MECOM: variants seen among roughly 807,000 people sequenced by gnomAD.
MECOM encodes MDS1 and EVI1 complex locus.
Under a neutral mutation model 116.3 loss-of-function variants are expected in MECOM, and 13 were observed. That is an observed-to-expected ratio of 0.11 (90% CI 0.07 to 0.18). The LOEUF (loss-of-function observed/expected upper bound fraction) is 0.18. Ranked by LOEUF, MECOM falls within the 10% of genes least tolerant of loss-of-function variation. The probability of loss-of-function intolerance (pLI) is 1.00; values close to 1 mark genes in which losing one functional copy is unlikely to be tolerated. For synonymous variants in MECOM, 528 were observed against 535.2 expected (o/e 0.99, Z 0.19); for missense variants, 1,299 against 1,509.0 (o/e 0.86, Z 2.31).
chr3:169,499,817 A>G (rs1182816064), intron 1 of MECOM, among the ~76,000 whole-genome samples: 1 of 152,124 alleles, frequency 6.6e-6, no homozygotes, highest in Non-Finnish European at 1.5e-5. Flanking sequence ...GGAGGAGGTT[A>G]AGACTACTAA....
intron 1 of MECOM, among the ~76,000 whole-genome samples, chr3:169,651,834 A>T (rs1357191557): frequency 6.6e-6 from 1 of 152,208 alleles, no homozygotes; most frequent in African/African-American, 2.4e-5. Flanking sequence ...ATCTATATGT[A>T]TGTATGTGCT....
intron 1 of MECOM, among the ~76,000 whole-genome samples, chr3:169,657,161 G>A (rs1412511345): frequency 6.6e-6 from 1 of 152,224 alleles, no homozygotes; most frequent in Non-Finnish European, 1.5e-5. Context: ...GTCCCCTGTA[G>A]ACCCAGTAGA....
intron 1 of MECOM, among the ~76,000 whole-genome samples, chr3:169,485,923 A>ATTATATAT (rs1272580479): frequency 1.2e-5 from 1 of 83,762 alleles, no homozygotes; most frequent in Non-Finnish European, 2.2e-5. Flanking sequence ...ATGTATATAT[A>ATTATATAT]GTATATATAG....
At chr3:169,307,267 T>G (rs1717894332) in intron 2 of MECOM, among the ~76,000 whole-genome samples, 1 of 152,186 alleles carries the variant, frequency 6.6e-6, no homozygotes, top group Non-Finnish European at 1.5e-5. Flanking sequence ...ATCACCTCCC[T>G]AGAATTGCCC....
intron 2 of MECOM, among the ~76,000 whole-genome samples, chr3:169,207,523 A>T (rs990493610): frequency 6.6e-6 from 1 of 152,224 alleles, no homozygotes; most frequent in African/African-American, 2.4e-5. Context: ...ATTTGCTTTC[A>T]GAATCCTGGT....
intron 1 of MECOM, among the ~76,000 whole-genome samples, chr3:169,536,470 T>C (rs1322143969): frequency 6.6e-6 from 1 of 150,978 alleles, no homozygotes; most frequent in Admixed American, 6.6e-5. Flanking sequence ...CCCTGAATAG[T>C]ACAAGCAGAC....
intron 2 of MECOM, among the ~76,000 whole-genome samples, chr3:169,159,689 T>G (rs970480974): frequency 6.6e-6 from 1 of 152,198 alleles, no homozygotes; most frequent in African/African-American, 2.4e-5. Flanking sequence ...AGTACAGTAC[T>G]TGGAGAGATA....
intron 2 of MECOM, among the ~76,000 whole-genome samples, chr3:169,267,877 A>G (rs187840206): frequency 4.6e-5 from 7 of 152,110 alleles, no homozygotes; most frequent in Non-Finnish European, 7.4e-5. Context: ...GGAAGAGAAG[A>G]CTCCCATAAT....
chr3:169,292,831 C>A (rs1230928715), intron 2 of MECOM, among the ~76,000 whole-genome samples: 1 of 152,124 alleles, frequency 6.6e-6, no homozygotes, highest in East Asian at 1.9e-4. Context: ...GGAAAAAGAT[C>A]TGGATCAAAT....
At chr3:169,443,046 C>CA (rs148053213) in intron 1 of MECOM, among the ~76,000 whole-genome samples, 20 of 148,784 alleles carry the variant, frequency 1.3e-4, no homozygotes, top group Admixed American at 4.0e-4. Context: ...ACCACAGCAT[C>CA]AAAAAAAAAA....
At chr3:169,284,156 C>A (rs1370303970) in intron 2 of MECOM, among the ~76,000 whole-genome samples, 1 of 152,170 alleles carries the variant, frequency 6.6e-6, no homozygotes, top group Admixed American at 6.5e-5. Flanking sequence ...CCAAGGAGAG[C>A]CTTCCACACT....
chr3:169,121,760 C>T (rs1266533155), intron 6 of MECOM, among the ~76,000 whole-genome samples: 1 of 151,478 alleles, frequency 6.6e-6, no homozygotes, highest in African/African-American at 2.4e-5. Flanking sequence ...GCAAAACATC[C>T]CTAAAGAAAT....
At chr3:169,357,008 C>A (rs952890924) in intron 2 of MECOM, among the ~76,000 whole-genome samples, 1 of 151,820 alleles carries the variant, frequency 6.6e-6, no homozygotes, top group Non-Finnish European at 1.5e-5. Context: ...TCAAAATCTG[C>A]CAAATTTGAT....
Position 169,090,130 on chromosome 3 carries a change from C to T in MECOM, c.3271G>A (p.Asp1091Asn). Residue 1091 changes from aspartate (D) to asparagine (N), a missense_variant, in exon 15 of 17, where the codon GAT becomes AAT. Asp to Asn is a conservative substitution (Grantham distance 23). Transcript: ENST00000651503. ...VEDEVLLDEE[D>N]EDNDITGKTG... ...TTTCCAGTAATATCATTGTCTTCATCCTCCTCATCTAACAACACCTCATCT... is the reference window on the plus strand; with the variant it reads ...TTTCCAGTAATATCATTGTCTTCATTCTCCTCATCTAACAACACCTCATCT... 1 of 1,613,456 alleles carries T rather than the reference C, an allele frequency of 6.2e-7. No homozygotes were observed. The highest frequency in any genetic ancestry group is 8.5e-7 in the Non-Finnish European group (1 of 1,179,626).
chr3:169,260,355 C>T (rs1757391303), intron 2 of MECOM, among the ~76,000 whole-genome samples: 1 of 152,124 alleles, frequency 6.6e-6, no homozygotes, highest in Non-Finnish European at 1.5e-5. Flanking sequence ...ATTAAAAAGA[C>T]ATCAGTCTGC....
chr3:169,370,988 A>G (rs985860294), intron 2 of MECOM, among the ~76,000 whole-genome samples: 2 of 152,022 alleles, frequency 1.3e-5, no homozygotes, highest in Non-Finnish European at 2.9e-5. Context: ...CAACTCCTTT[A>G]TGATCCAGCA....
intron 1 of MECOM, among the ~76,000 whole-genome samples, chr3:169,394,747 C>T (rs1734758895): frequency 6.6e-6 from 1 of 152,088 alleles, no homozygotes; most frequent in Admixed American, 6.6e-5. Context: ...TCTAAATAAA[C>T]ATATTTATTT....
In MECOM at chr3:169,156,195, G is replaced by A. The variant is rs1267362671; in HGVS notation, c.376-12363C>T. On this transcript the variant is annotated intron_variant, in intron 2 of 16. Coordinates refer to ENST00000651503, the MANE Select transcript of MECOM (RefSeq NM_004991.4). ...TAGCTCCCTCTTGGAGCTTCACAAT[G>A]AGCACCAATGTGCTAAATACACTTA... is the stretch of plus-strand genomic sequence containing the variant. Among the ~76,000 whole-genome samples the A allele has an allele frequency of 3.3e-5, 5 of 152,102 alleles. No homozygotes were observed. The East Asian group carries it at 9.7e-4, about 29-fold the overall frequency.
At chr3:169,380,905 T>G (rs1411304411) in intron 2 of MECOM, among the ~76,000 whole-genome samples, 1 of 152,198 alleles carries the variant, frequency 6.6e-6, no homozygotes, top group Non-Finnish European at 1.5e-5. Context: ...AGCCAATGTT[T>G]CCAAACGTTA....
Sources: allele counts gnomAD v4.1 joint callset (sites outside exome capture counted in the v4.1 genomes callset), GRCh38; gene constraint gnomAD v4.1.1; transcripts MANE v1.5; gene names NCBI Gene and HGNC (gene_info 2026-07-23, HGNC 2026-07-21).